The following ATF7IP2 variants were observed in gnomAD, a reference collection of about 807,000 sequenced individuals.
The protein encoded by ATF7IP2 is activating transcription factor 7-interacting protein 2.
Under a neutral mutation model 64.2 loss-of-function variants are expected in ATF7IP2, and 42 were observed. The ratio of observed to expected loss-of-function variants is 0.65; its 90% confidence interval spans 0.51 to 0.85. ATF7IP2 has a LOEUF of 0.85. Ranked by LOEUF, ATF7IP2 falls within the 40% of genes least tolerant of loss-of-function variation. The pLI is 0.00. For synonymous variants in ATF7IP2, 308 were observed against 272.8 expected (o/e 1.13, Z -1.27); for missense variants, 933 against 784.2 (o/e 1.19, Z -2.27).
intron 8 of ATF7IP2, among the ~76,000 whole-genome samples, chr16:10,441,742 A>C (rs147730295): frequency 0.026 from 4,017 of 152,184 alleles, 162 homozygotes; most frequent in African/African-American, 0.09. Context: ...GAATCTCTTT[A>C]GTTTAATTAG....
intron 8 of ATF7IP2, chr16:10,446,156 C>T (rs1437255619): frequency 1.3e-5 from 2 of 152,168 alleles, no homozygotes; most frequent in African/African-American, 2.4e-5. Context: ...TAAATAAGTG[C>T]TGCCCTGTTT....
Position 10,468,179 on chromosome 16 carries a change from C to G in ATF7IP2, c.1353-3931C>G, listed in dbSNP as rs1411281956. ...ACAGGCATGAGCCACCGTGCCTGGC[C>G]CAAATCAAATATTCTTAATAAAATT... On this transcript the variant is annotated intron_variant, in intron 9 of 13. Transcript: ENST00000562102. Among the ~76,000 whole-genome samples the G allele has an allele frequency of 3.9e-5, 6 of 152,012 alleles. No individual in the cohort carries two copies. The East Asian group carries it at 1.2e-3, about 29-fold the overall frequency.
intron 13 of ATF7IP2, 53 bp downstream of exon 13, chr16:10,481,017 G>A (rs2050202395): frequency 1.5e-6 from 2 of 1,319,934 alleles, no homozygotes; most frequent in African/African-American, 1.5e-5. Flanking sequence ...TGAGTGGGAA[G>A]TAGCTATGTT....
chr16:10,395,986 C>T (rs768474706), intron 1 of ATF7IP2, among the ~76,000 whole-genome samples: 33 of 151,442 alleles, frequency 2.2e-4, no homozygotes, highest in Non-Finnish European at 2.9e-4. Flanking sequence ...AAAATATACA[C>T]GGATAACATG....
At chr16:10,437,764 T>C (rs1353611003) in intron 6 of ATF7IP2, among the ~76,000 whole-genome samples, 3 of 152,198 alleles carry the variant, frequency 2.0e-5, no homozygotes, top group African/African-American at 4.8e-5. Context: ...CTAGGAGTTA[T>C]GGATATTAAA....
intron 7 of ATF7IP2, 114 bp downstream of exon 7, chr16:10,438,349 A>G (rs1429207161): frequency 1.0e-5 from 11 of 1,091,556 alleles, no homozygotes; most frequent in East Asian, 8.5e-5. Context: ...AGCTCAAGCA[A>G]TCCTACCACC....
chr16:10,469,665 C>G (rs954872737), intron 9 of ATF7IP2, among the ~76,000 whole-genome samples: 1 of 152,060 alleles, frequency 6.6e-6, no homozygotes, highest in African/African-American at 2.4e-5. Context: ...ATCCCAGCTA[C>G]TCGGGAGGCT....
chr16:10,392,057 T>TTC (rs2047337071), intron 1 of ATF7IP2, among the ~76,000 whole-genome samples: 1 of 7,598 alleles, frequency 1.3e-4, no homozygotes, highest in African/African-American at 3.2e-3. Flanking sequence ...TTGTATTATC[T>TTC]TTTTTTTTTT....
chr16:10,472,305 A>G, intron 10 of ATF7IP2, 122 bp downstream of exon 10: 1 of 479,466 alleles, frequency 2.1e-6, no homozygotes, highest in Non-Finnish European at 3.7e-6. Flanking sequence ...TGTACTCTCA[A>G]ATGTTCTAAT....
intron 8 of ATF7IP2, among the ~76,000 whole-genome samples, chr16:10,450,247 T>C (rs1054676098): frequency 1.3e-5 from 2 of 152,178 alleles, no homozygotes; most frequent in Admixed American, 1.3e-4. Flanking sequence ...ATGTGGTCAA[T>C]TTTAGAATAA....
At chr16:10,388,749 A>G (rs1330825744) in intron 1 of ATF7IP2, among the ~76,000 whole-genome samples, 2 of 152,038 alleles carry the variant, frequency 1.3e-5, no homozygotes, top group Non-Finnish European at 2.9e-5. Flanking sequence ...GGTGGCTCAC[A>G]CCTGTAATCC....
intron 2 of ATF7IP2, among the ~76,000 whole-genome samples, chr16:10,417,859 C>A (rs949473135): frequency 6.6e-6 from 1 of 152,186 alleles, no homozygotes; most frequent in Non-Finnish European, 1.5e-5. Flanking sequence ...AATACACCTT[C>A]TCATTTAAAG....
In ATF7IP2 at chr16:10,483,512, G is replaced by A. The variant is rs926891203; in HGVS notation, c.*1263G>A. On this transcript the variant is annotated 3_prime_UTR_variant, in exon 14 of 14. Coordinates refer to ENST00000562102, the MANE Select transcript of ATF7IP2 (RefSeq NM_001393719.1). ...AATAATCCCAACTGTTTGAAAGTTC[G>A]AAAGAGGGGCATTCTTTTCTGGTAC... 6 of 152,162 alleles carry A rather than the reference G, an allele frequency of 3.9e-5. No homozygotes were observed. Among genetic ancestry groups the A allele is most frequent in the East Asian group, 3.8e-4 (2 of 5,196 alleles). The allele number at this position is 152,162 out of a possible 1,614,324, so 9.4% of individuals were successfully genotyped here.
chr16:10,457,262 C>T, intron 8 of ATF7IP2, 110 bp from the exon 9 acceptor site: 1 of 889,496 alleles, frequency 1.1e-6, no homozygotes, highest in Non-Finnish European at 1.7e-6. Flanking sequence ...TGTGATTTAA[C>T]TTATGTTTTG....
chr16:10,409,948 C>G (rs2141807733), intron 1 of ATF7IP2, among the ~76,000 whole-genome samples: 1 of 152,288 alleles, frequency 6.6e-6, no homozygotes, highest in South Asian at 2.1e-4. Flanking sequence ...TATTTTTATA[C>G]CAGTAGCATG....
intron 1 of ATF7IP2, among the ~76,000 whole-genome samples, chr16:10,408,598 G>C (rs150397288): frequency 6.6e-6 from 1 of 152,140 alleles, no homozygotes; most frequent in African/African-American, 2.4e-5. Context: ...GTGGTGATGA[G>C]CATTTTTTCA....
rs568776314 is a variant in ATF7IP2, at chr16:10,404,439, T to C, written c.-241-10135T>C. Among the ~76,000 whole-genome samples the C allele has an allele frequency of 2.6e-4, 39 of 152,266 alleles. No homozygotes were observed. In the South Asian group the frequency reaches 2.9e-3, roughly 11 times the overall value. On this transcript the variant is annotated intron_variant, in intron 1 of 13. Transcript: ENST00000562102. ...TGCTGATTTTTAGTAGATACTGGGT[T>C]TCACCATGTTGGCCCGGCCGGTCTT...
chr16:10,412,010 G>GTTTTTTTTTTTTTTTTTTTTTTTTTT lies in ATF7IP2; in HGVS notation c.-241-2560_-241-2535dup, dbSNP rs71133351. ...CTTTTTGTTTCATTTATCTTTTTTT[G>GTTTTTTTTTTTTTTTTTTTTTTTTTT]TTTTTTTTTTTTTTTTTTTTTTTTT... On this transcript the variant is annotated intron_variant, in intron 1 of 13. Coordinates refer to ENST00000562102, the MANE Select transcript of ATF7IP2 (RefSeq NM_001393719.1). Among the ~76,000 whole-genome samples the GTTTTTTTTTTTTTTTTTTTTTTTTTT allele has an allele frequency of 5.8e-4, 34 of 58,392 alleles. 1 individual carries two copies. The highest frequency in any genetic ancestry group is 8.3e-4 in the Non-Finnish European group (25 of 30,168). The allele number at this position is 58,392 out of a possible 152,430, so 38.3% of individuals were successfully genotyped here. A position where few individuals can be genotyped will look rare whatever the true frequency, so the allele number is the denominator to read the frequency against.
chr16:10,481,062 T>C, intron 13 of ATF7IP2, 98 bp downstream of exon 13: 1 of 869,620 alleles, frequency 1.1e-6, no homozygotes, highest in Non-Finnish European at 1.9e-6. Context: ...CATTTCAGCT[T>C]AGACAACAAT....
Sources: gnomAD v4.1 joint callset for allele counts (sites outside exome capture counted in the v4.1 genomes callset) on GRCh38, gnomAD v4.1.1 for gene constraint, MANE v1.5 for transcripts, NCBI Gene and HGNC (gene_info 2026-07-23, HGNC 2026-07-21) for gene names.